Variants in TCTN3 observed in about 807,000 individuals in gnomAD.
TCTN3 encodes tectonic family member 3.
In TCTN3, 57 loss-of-function variants were observed where a neutral mutation model predicts 71.3. The observed-to-expected ratio is 0.80, with a 90% CI of 0.65 to 1.00. TCTN3 has a LOEUF of 1.00. Ranked by LOEUF, TCTN3 falls within the 50% of genes least tolerant of loss-of-function variation. TCTN3 has a pLI of 0.00. For missense variants in TCTN3, 696 were observed against 719.9 expected (o/e 0.97, Z 0.38); for synonymous variants, 258 against 267.8 (o/e 0.96, Z 0.36).
intron 9 of TCTN3, among the ~76,000 whole-genome samples, 195 bp downstream of exon 9, chr10:95,684,304 T>C (rs1402505350): frequency 6.6e-6 from 1 of 152,216 alleles, no homozygotes; most frequent in East Asian, 1.9e-4. Flanking sequence ...GAGAAAATTT[T>C]AATGAGTAAA....
At chr10:95,675,343 T>C (rs1045067107) in intron 13 of TCTN3, among the ~76,000 whole-genome samples, 7 of 152,142 alleles carry the variant, frequency 4.6e-5, no homozygotes, top group Non-Finnish European at 1.0e-4. Context: ...TCCATCTGTC[T>C]CGGCTTCCAA....
At chr10:95,664,388 G>T in intron 13 of TCTN3, 88 bp from the exon 14 acceptor site, 1 of 1,110,154 alleles carries the variant, frequency 9.0e-7, no homozygotes, top group Non-Finnish European at 1.3e-6. Flanking sequence ...TTTCCCTGAA[G>T]AGAGAAATGA....
At chr10:95,693,202 C>G (rs1485752712) in intron 2 of TCTN3, 151 bp downstream of exon 2, 1 of 1,353,198 alleles carries the variant, frequency 7.4e-7, no homozygotes, top group East Asian at 2.5e-5. Context: ...TCTAGAGAAT[C>G]AGAAAAGGCA....
At chr10:95,670,061 CA>C (rs34609339) in intron 13 of TCTN3, among the ~76,000 whole-genome samples, 1,965 of 81,046 alleles carry the variant, frequency 0.024, 31 homozygotes, top group African/African-American at 0.082. Context: ...GACTCCGTCT[CA>C]AAAAAAAAAA....
At chr10:95,667,301 C>G (rs2097926619) in intron 13 of TCTN3, among the ~76,000 whole-genome samples, 4 of 152,106 alleles carry the variant, frequency 2.6e-5, no homozygotes, top group Admixed American at 2.6e-4. Context: ...TAAAACCACT[C>G]CAATCCAACA....
intron 8 of TCTN3, among the ~76,000 whole-genome samples, chr10:95,684,975 T>C (rs2097946877): frequency 6.6e-6 from 1 of 152,184 alleles, no homozygotes; most frequent in Admixed American, 6.5e-5. Context: ...TCTCACAATG[T>C]TTGAGAATTA....
At chr10:95,684,288 G>A (rs2139741639) in intron 9 of TCTN3, among the ~76,000 whole-genome samples, 1 of 152,302 alleles carries the variant, frequency 6.6e-6, no homozygotes, top group South Asian at 2.1e-4. Context: ...GCCAGACAGA[G>A]AATTGGAGAA....
At position 95,663,996 on chromosome 10, in the gene TCTN3, A is replaced by AT; in HGVS notation, c.*70dup. ...TCTGGTCATGAGCAGGTGAGGTTCT[A>AT]TTTAGCCAAGATAAGTGGCTGCCTC... On this transcript the variant is annotated 3_prime_UTR_variant, in exon 14 of 14. Coordinates refer to ENST00000371217, the MANE Select transcript of TCTN3 (RefSeq NM_015631.6). The AT allele has an allele frequency of 7.5e-7, 1 of 1,334,760 alleles. No homozygotes were observed. Among genetic ancestry groups the AT allele is most frequent in the Non-Finnish European group, 1.1e-6 (1 of 933,470 alleles). 82.7% of individuals were successfully genotyped at this position (1,334,760 alleles called of 1,614,324 possible). A position where few individuals can be genotyped will look rare whatever the true frequency, so the allele number is the denominator to read the frequency against.
At position 95,693,686 on chromosome 10, in the gene TCTN3, T is replaced by C; in HGVS notation, c.214A>G (p.Thr72Ala). Reference sequence around the variant, plus strand: ...GTCCTATTCCCAGGGGCCGAGGGAGTCACGAGAGTAGGGACCACTGTAGGG... The same window carrying C: ...GTCCTATTCCCAGGGGCCGAGGGAGCCACGAGAGTAGGGACCACTGTAGGG... ...GLPTVVPTLVTPSAPGNRTVD... is the reference protein window; with the variant it reads ...GLPTVVPTLVAPSAPGNRTVD... The change falls in exon 1 of 14, where the codon ACT becomes GCT. Residue 72 changes from threonine (T) to alanine (A), a missense_variant. Coordinates refer to ENST00000371217, the MANE Select transcript of TCTN3 (RefSeq NM_015631.6). The C allele has an allele frequency of 6.4e-7, 1 of 1,551,216 alleles. No homozygotes were observed. The highest frequency in any genetic ancestry group is 8.7e-7 in the Non-Finnish European group (1 of 1,146,880).
intron 7 of TCTN3, among the ~76,000 whole-genome samples, chr10:95,686,223 G>A (rs758316102): frequency 5.3e-5 from 8 of 152,118 alleles, no homozygotes; most frequent in Non-Finnish European, 8.8e-5. Context: ...GCAAGACCCT[G>A]TCTCTCAAAA....
At chr10:95,682,525 T>A in intron 12 of TCTN3, 126 bp downstream of exon 12, 1 of 1,189,386 alleles carries the variant, frequency 8.4e-7, no homozygotes, top group Non-Finnish European at 1.1e-6. Context: ...GGGCATGATT[T>A]CTTATACTCT....
chr10:95,669,659 C>CTAT (rs1225738235), intron 13 of TCTN3, among the ~76,000 whole-genome samples: 3 of 152,028 alleles, frequency 2.0e-5, no homozygotes, highest in Non-Finnish European at 4.4e-5. Context: ...AGTAAGCACT[C>CTAT]AATAAAGATT....
At chr10:95,665,330 G>A (rs1175974618) in intron 13 of TCTN3, among the ~76,000 whole-genome samples, 2 of 152,146 alleles carry the variant, frequency 1.3e-5, no homozygotes, top group Non-Finnish European at 1.5e-5. Context: ...CCAGGCTGAA[G>A]TGCAGTGACA....
chr10:95,692,017 G>T (rs2097953960), intron 3 of TCTN3, among the ~76,000 whole-genome samples: 1 of 152,208 alleles, frequency 6.6e-6, no homozygotes, highest in Non-Finnish European at 1.5e-5. Flanking sequence ...AGACTCATTT[G>T]TCAAAGATGT....
At chr10:95,683,228 T>C (rs759340434) in intron 10 of TCTN3, 33 bp from the exon 11 acceptor site, 5 of 1,585,402 alleles carry the variant, frequency 3.2e-6, no homozygotes, top group Non-Finnish European at 3.4e-6. Context: ...AAGGACATCA[T>C]AACAGAAAAA....
intron 8 of TCTN3, 123 bp from the exon 9 acceptor site, chr10:95,684,747 T>C: frequency 9.5e-7 from 1 of 1,051,454 alleles, no homozygotes; most frequent in South Asian, 1.8e-5. Flanking sequence ...AACAGTAATG[T>C]TAAAAATGCC....
intron 9 of TCTN3, 46 bp from the exon 10 acceptor site, chr10:95,683,675 T>C (rs978858027): frequency 6.5e-7 from 1 of 1,540,402 alleles, no homozygotes; most frequent in Non-Finnish European, 8.8e-7. Flanking sequence ...TAAGCATACT[T>C]TCCCACCTCC....
At chr10:95,672,657 T>C (rs1235779658) in intron 13 of TCTN3, among the ~76,000 whole-genome samples, 1 of 151,552 alleles carries the variant, frequency 6.6e-6, no homozygotes, top group Non-Finnish European at 1.5e-5. Flanking sequence ...CAATTGTTTA[T>C]CTCCATTTGT....
intron 13 of TCTN3, among the ~76,000 whole-genome samples, chr10:95,672,619 T>C (rs149478855): frequency 6.6e-6 from 1 of 152,032 alleles, no homozygotes; most frequent in South Asian, 2.1e-4. Flanking sequence ...ATGATAATGA[T>C]GTTGAATACC....
Sources: allele counts gnomAD v4.1 joint callset (sites outside exome capture counted in the v4.1 genomes callset), GRCh38; gene constraint gnomAD v4.1.1; transcripts MANE v1.5; gene names NCBI Gene and HGNC (gene_info 2026-07-23, HGNC 2026-07-21).